Variants in WWOX observed in about 807,000 individuals in gnomAD.
WWOX encodes the protein WW domain-containing oxidoreductase.
A neutral mutation model predicts 46.2 loss-of-function variants in WWOX; 69 were observed. The observed-to-expected ratio is 1.49, with a 90% confidence interval of 1.23 to 1.82. The LOEUF (loss-of-function observed/expected upper bound fraction) is 1.82, where lower values mean the gene tolerates loss of function less well. Ranked by LOEUF, WWOX falls within the 40% of genes most tolerant of loss-of-function variation. The probability of loss-of-function intolerance (pLI) is 0.00; values close to 1 mark genes in which losing one functional copy is unlikely to be tolerated. For missense variants in WWOX, 919 were observed against 542.6 expected (o/e 1.69, Z -6.89); for synonymous variants, 359 against 202.6 (o/e 1.77, Z -6.56).
rs181903960 is a variant in WWOX, at chr16:78,932,965, G to A, written c.1057-278643G>A. 4.2e-3 allele frequency among the ~76,000 whole-genome samples: 638 copies of A among 152,292 alleles called. 1 individual carries two copies. Among genetic ancestry groups the A allele is most frequent in the Non-Finnish European group, 7.3e-3 (496 of 68,014 alleles). The stretch of plus-strand genomic sequence containing the variant: ...CCTGCCCTCTGGTTGAAACATCAGT[G>A]TTGAATCAATAGACCACGTCCTGTC... On this transcript the variant is annotated intron_variant, in intron 8 of 8. Coordinates refer to ENST00000566780, the MANE Select transcript of WWOX (RefSeq NM_016373.4).
intron 8 of WWOX, among the ~76,000 whole-genome samples, chr16:78,693,176 T>C (rs2048028530): frequency 6.6e-6 from 1 of 152,210 alleles, no homozygotes; most frequent in African/African-American, 2.4e-5. Flanking sequence ...TTTGCCCATC[T>C]CTTGTTCAAC....
chr16:78,473,360 C>T (rs1389371026), intron 8 of WWOX, among the ~76,000 whole-genome samples: 2 of 152,112 alleles, frequency 1.3e-5, no homozygotes, highest in East Asian at 3.9e-4. Flanking sequence ...GAACTCCTGA[C>T]CTCAACTGAT....
intron 6 of WWOX, among the ~76,000 whole-genome samples, chr16:78,419,506 C>A (rs552296578): frequency 5.6e-4 from 84 of 151,234 alleles, no homozygotes; most frequent in South Asian, 2.7e-3. Flanking sequence ...TGATTTTCAG[C>A]AAGGATGCCA....
chr16:79,094,113 G>T (rs1458541090), intron 8 of WWOX, among the ~76,000 whole-genome samples: 5 of 152,140 alleles, frequency 3.3e-5, no homozygotes, highest in African/African-American at 1.2e-4. Flanking sequence ...CCTCTATCCT[G>T]TGAATGCAGA....
chr16:78,687,992 G>T (rs892333331), intron 8 of WWOX, among the ~76,000 whole-genome samples: 1 of 152,052 alleles, frequency 6.6e-6, no homozygotes, highest in African/African-American at 2.4e-5. Flanking sequence ...TTGCTACTTG[G>T]TTTGCTGCCA....
chr16:78,723,151 G>T (rs11150097), intron 8 of WWOX, among the ~76,000 whole-genome samples: 2 of 152,046 alleles, frequency 1.3e-5, no homozygotes, highest in Admixed American at 6.5e-5. Flanking sequence ...CTGGCCTGCC[G>T]CTTGTGTTCG....
chr16:78,506,983 G>C (rs1241307487), intron 8 of WWOX, among the ~76,000 whole-genome samples: 1 of 152,086 alleles, frequency 6.6e-6, no homozygotes, highest in African/African-American at 2.4e-5. Flanking sequence ...CAGGGTGCTG[G>C]GATCACAGGC....
intron 8 of WWOX, among the ~76,000 whole-genome samples, chr16:78,701,381 T>TA (rs1488613425): frequency 6.6e-6 from 1 of 152,046 alleles, no homozygotes; most frequent in Admixed American, 6.5e-5. Flanking sequence ...CTGGCCTACT[T>TA]ACCTTCTTTT....
intron 8 of WWOX, among the ~76,000 whole-genome samples, chr16:78,968,134 CGTGTG>C (rs2046399323): frequency 3.8e-3 from 27 of 7,056 alleles, no homozygotes; most frequent in Admixed American, 0.019. Flanking sequence ...GCGCGTGGTC[CGTGTG>C]GCACAGCGCG....
chr16:78,151,050 T>TTC (rs2034387549), intron 4 of WWOX, among the ~76,000 whole-genome samples: 1 of 150,942 alleles, frequency 6.6e-6, no homozygotes, highest in South Asian at 2.1e-4. Context: ...ACAATTTTTT[T>TTC]TTTTTTTTTA....
intron 8 of WWOX, among the ~76,000 whole-genome samples, chr16:78,589,261 G>A (rs1264106188): frequency 6.6e-6 from 1 of 152,184 alleles, no homozygotes; most frequent in Non-Finnish European, 1.5e-5. Flanking sequence ...GAAAAGCAAA[G>A]CAAAACAAAA....
At chr16:78,466,378 A>G (rs139918650) in intron 8 of WWOX, among the ~76,000 whole-genome samples, 1 of 152,272 alleles carries the variant, frequency 6.6e-6, no homozygotes, top group Non-Finnish European at 1.5e-5. Flanking sequence ...TTGGAACTAG[A>G]GGTGATAGCT....
At chr16:78,862,529 G>T (rs1396209008) in intron 8 of WWOX, among the ~76,000 whole-genome samples, 3 of 151,960 alleles carry the variant, frequency 2.0e-5, no homozygotes, top group East Asian at 1.9e-4. Flanking sequence ...TATATATAAA[G>T]ATTTTTAAAT....
chr16:78,148,897 CAAAAAAAAAAAAA>C (rs34225165), intron 4 of WWOX, among the ~76,000 whole-genome samples: 2 of 53,228 alleles, frequency 3.8e-5, no homozygotes, highest in Admixed American at 3.1e-4. Context: ...GACTCCGTCT[CAAAAAAAAAAAAA>C]AAAAAAAAAA....
intron 8 of WWOX, among the ~76,000 whole-genome samples, chr16:78,862,250 GTGTC>G (rs1327468894): frequency 3.3e-5 from 5 of 150,930 alleles, no homozygotes; most frequent in Admixed American, 6.6e-5. Context: ...ACCTATGGGT[GTGTC>G]TGTCTGTACC....
chr16:78,779,349 G>A (rs2050269298), intron 8 of WWOX, among the ~76,000 whole-genome samples: 1 of 152,092 alleles, frequency 6.6e-6, no homozygotes, highest in Non-Finnish European at 1.5e-5. Context: ...GTTTTGCTGT[G>A]TTGCCCAGAC....
intron 4 of WWOX, among the ~76,000 whole-genome samples, chr16:78,163,774 G>C (rs529677508): frequency 1.1e-4 from 16 of 152,296 alleles, no homozygotes; most frequent in Non-Finnish European, 1.8e-4. Flanking sequence ...AGTCCTTATC[G>C]TGGGCACAGG....
chr16:78,767,227 C>A (rs2049944633), intron 8 of WWOX, among the ~76,000 whole-genome samples: 3 of 151,970 alleles, frequency 2.0e-5, no homozygotes, highest in Non-Finnish European at 4.4e-5. Context: ...CTTCAGTGAT[C>A]CTCCCACCTC....
chr16:78,676,898 A>G (rs2047612396), intron 8 of WWOX, among the ~76,000 whole-genome samples: 2 of 152,282 alleles, frequency 1.3e-5, no homozygotes, highest in African/African-American at 2.4e-5. Flanking sequence ...TACATTATTG[A>G]TAAGTTAATT....
Sources: allele counts gnomAD v4.1 joint callset (sites outside exome capture counted in the v4.1 genomes callset), GRCh38; gene constraint gnomAD v4.1.1; transcripts MANE v1.5; gene names NCBI Gene and HGNC (gene_info 2026-07-23, HGNC 2026-07-21).